SPTLC2: variants seen among roughly 807,000 people sequenced by gnomAD.
SPTLC2 encodes the protein serine palmitoyltransferase 2.
A neutral mutation model predicts 62.0 loss-of-function variants in SPTLC2; 21 were observed. That is an observed-to-expected ratio of 0.34 (90% CI 0.24 to 0.49). The LOEUF is 0.49. Ranked by LOEUF, SPTLC2 falls within the 20% of genes least tolerant of loss-of-function variation. The pLI is 0.99. For synonymous variants in SPTLC2, 261 were observed against 261.8 expected (o/e 1.00, Z 0.03); for missense variants, 511 against 713.0 (o/e 0.72, Z 3.23).
At chr14:77,512,770 C>T (rs1272836950) in intron 11 of SPTLC2, among the ~76,000 whole-genome samples, 1 of 152,164 alleles carries the variant, frequency 6.6e-6, no homozygotes, top group East Asian at 1.9e-4. Flanking sequence ...GGCTGGAGTG[C>T]TGTGGCGCCC....
At chr14:77,557,581 TA>T (rs1455049253) in intron 6 of SPTLC2, among the ~76,000 whole-genome samples, 1 of 152,134 alleles carries the variant, frequency 6.6e-6, no homozygotes, top group Admixed American at 6.5e-5. Flanking sequence ...ATACTCCTCC[TA>T]AAAAAACAAA....
intron 11 of SPTLC2, among the ~76,000 whole-genome samples, chr14:77,514,424 T>G (rs947047805): frequency 6.6e-6 from 1 of 152,170 alleles, no homozygotes; most frequent in African/African-American, 2.4e-5. Context: ...CTGACTCTTG[T>G]GTGGGGTATT....
chr14:77,552,178 A>T lies in SPTLC2; in HGVS notation c.1221T>A (p.Tyr407Ter). Residue 407 changes from tyrosine to a stop codon, truncating the protein, a stop_gained, in exon 9 of 12, where the codon TAT (tyrosine) becomes TAA (stop). Transcript: ENST00000216484. LOFTEE classifies it high-confidence loss of function. The stretch of plus-strand genomic sequence containing the variant: ...CTACAGGAGGTGACAATGACGTGGC[A>T]TACACTGCACTATGAGAATGTGTTC... ...YLRTHSHSAV[Y>*]ATSLSPPVVE... 1 of 1,614,194 alleles carries T rather than the reference A, an allele frequency of 6.2e-7. No homozygotes were observed. The highest frequency in any genetic ancestry group is 8.5e-7 in the Non-Finnish European group (1 of 1,180,038).
chr14:77,611,059 T>C (rs987472964), intron 1 of SPTLC2, among the ~76,000 whole-genome samples: 1 of 139,600 alleles, frequency 7.2e-6, no homozygotes. Context: ...TTTGGGAGAC[T>C]GAGGCAGGCG....
At chr14:77,570,187 C>A (rs1026179008) in intron 5 of SPTLC2, among the ~76,000 whole-genome samples, 197 bp downstream of exon 5, 2 of 140,168 alleles carry the variant, frequency 1.4e-5, no homozygotes, top group African/African-American at 5.4e-5. Flanking sequence ...GGTGCCACTG[C>A]ACTCCAGCCT....
At chr14:77,580,615 C>T (rs1233232132) in intron 2 of SPTLC2, among the ~76,000 whole-genome samples, 2 of 148,718 alleles carry the variant, frequency 1.3e-5, no homozygotes, top group African/African-American at 4.9e-5. Context: ...CCCAACACTT[C>T]GGGAAGCTAA....
At position 77,505,999 on chromosome 14, in the gene SPTLC2, T is replaced by G. The variant is rs1269771924; in HGVS notation, c.*6285A>C. 1 of 152,198 alleles carries G rather than the reference T, an allele frequency of 6.6e-6. No homozygotes were observed. The highest frequency in any genetic ancestry group is 6.5e-5 in the Admixed American group (1 of 15,282). 9.4% of individuals were successfully genotyped at this position (152,198 alleles called of 1,614,324 possible). Reference sequence around the variant, plus strand: ...GGTTGAATGAATAAAGGCAGATATATCTTTCTGAATATTTTATTAGGGCAA... The same window carrying G: ...GGTTGAATGAATAAAGGCAGATATAGCTTTCTGAATATTTTATTAGGGCAA... On this transcript the variant is annotated 3_prime_UTR_variant, in exon 12 of 12. Transcript: ENST00000216484.
intron 6 of SPTLC2, 180 bp from the exon 7 acceptor site, chr14:77,557,326 C>A: frequency 1.6e-6 from 1 of 610,498 alleles, no homozygotes; most frequent in South Asian, 2.0e-5. Flanking sequence ...GAATTGAAAT[C>A]CAAAATGTAA....
intron 10 of SPTLC2, among the ~76,000 whole-genome samples, chr14:77,520,759 G>A (rs534599579): frequency 1.5e-3 from 232 of 152,352 alleles, no homozygotes; most frequent in African/African-American, 5.4e-3. Flanking sequence ...AACCAAAGAA[G>A]CTGGTGTAAT....
At position 77,551,221 on chromosome 14, in the gene SPTLC2, G is replaced by A. The variant is rs930597021; in HGVS notation, c.1303+875C>T. 7.9e-5 allele frequency among the ~76,000 whole-genome samples: 12 copies of A among 151,804 alleles called. No homozygotes were observed. In the South Asian group the frequency reaches 1.9e-3, roughly 24 times the overall value. On this transcript the variant is annotated intron_variant, in intron 9 of 11. Coordinates refer to ENST00000216484, the MANE Select transcript of SPTLC2 (RefSeq NM_004863.4). ...ATCCTGGCTAATGCGGTGAAATCCC[G>A]TCTCTATTAAAAATACAAAAAAATT...
chr14:77,549,874 T>G (rs1466681066), intron 9 of SPTLC2, among the ~76,000 whole-genome samples: 3 of 152,254 alleles, frequency 2.0e-5, no homozygotes, highest in Non-Finnish European at 2.9e-5. Flanking sequence ...CAGATCCATG[T>G]TCTGGAACAG....
At chr14:77,550,232 C>A (rs1169581812) in intron 9 of SPTLC2, among the ~76,000 whole-genome samples, 1 of 152,194 alleles carries the variant, frequency 6.6e-6, no homozygotes, top group Non-Finnish European at 1.5e-5. Context: ...TTAGAGATAA[C>A]AAGGATCTAG....
chr14:77,572,381 T>C (rs2079688879), intron 4 of SPTLC2, among the ~76,000 whole-genome samples: 1 of 152,114 alleles, frequency 6.6e-6, no homozygotes, highest in African/African-American at 2.4e-5. Flanking sequence ...AAATGGAAAA[T>C]ATACAGAAGG....
intron 9 of SPTLC2, among the ~76,000 whole-genome samples, chr14:77,528,523 G>A (rs904122210): frequency 5.9e-5 from 9 of 152,138 alleles, no homozygotes; most frequent in East Asian, 1.9e-4. Flanking sequence ...GAGGCACTGC[G>A]CCCAGCCCCC....
At chr14:77,550,416 CAT>C (rs912772291) in intron 9 of SPTLC2, among the ~76,000 whole-genome samples, 16 of 152,066 alleles carry the variant, frequency 1.1e-4, no homozygotes, top group Non-Finnish European at 1.9e-4. Flanking sequence ...CTCTACTAAA[CAT>C]ACAAAATTAG....
intron 9 of SPTLC2, among the ~76,000 whole-genome samples, chr14:77,526,521 T>C (rs565615311): frequency 6.6e-6 from 1 of 152,314 alleles, no homozygotes; most frequent in South Asian, 2.1e-4. Flanking sequence ...GACTCTTGAA[T>C]TTTACAAATA....
intron 10 of SPTLC2, among the ~76,000 whole-genome samples, chr14:77,520,592 C>CAT (rs1327031320): frequency 6.6e-6 from 1 of 152,248 alleles, no homozygotes; most frequent in Non-Finnish European, 1.5e-5. Context: ...CTTTATTCTA[C>CAT]ATCTTCAGGG....
chr14:77,518,586 G>A (rs1354885548), intron 10 of SPTLC2, among the ~76,000 whole-genome samples: 1 of 96,138 alleles, frequency 1.0e-5, no homozygotes. Flanking sequence ...AACAGAGCAA[G>A]GCTCTGTCTC....
intron 5 of SPTLC2, among the ~76,000 whole-genome samples, chr14:77,566,704 C>G (rs1486983653): frequency 7.2e-5 from 11 of 152,166 alleles, no homozygotes; most frequent in Admixed American, 7.2e-4. Flanking sequence ...TCGTGTTCCA[C>G]CCGCCTCGGC....
Sources: gnomAD v4.1 joint callset for allele counts (sites outside exome capture counted in the v4.1 genomes callset) on GRCh38, gnomAD v4.1.1 for gene constraint, MANE v1.5 for transcripts, NCBI Gene and HGNC (gene_info 2026-07-23, HGNC 2026-07-21) for gene names.